The following ADGRL2 variants were observed in gnomAD, a reference collection of about 807,000 sequenced individuals.
ADGRL2 encodes the protein calcium-independent alpha-latrotoxin receptor 2.
A neutral mutation model predicts 157.4 loss-of-function variants in ADGRL2; 44 were observed. The ratio of observed to expected loss-of-function variants is 0.28; its 90% CI spans 0.22 to 0.36. The LOEUF (loss-of-function observed/expected upper bound fraction) is 0.36. Among genes scored for constraint, ADGRL2 ranks in the 10% least tolerant of loss-of-function variants. The pLI is 1.00. For missense variants in ADGRL2, 1,510 were observed against 1,768.9 expected, an observed-to-expected ratio of 0.85 and a Z score of 2.63; for synonymous variants, 585 against 624.7, an observed-to-expected ratio of 0.94 and a Z score of 0.95.
intron 1 of ADGRL2, among the ~76,000 whole-genome samples, chr1:81,373,698 T>G (rs2076198793): frequency 6.6e-6 from 1 of 152,110 alleles, no homozygotes; most frequent in Non-Finnish European, 1.5e-5. Flanking sequence ...TATACAGAAG[T>G]CAGCCTGAAA....
In ADGRL2 at chr1:81,380,213, A is replaced by AT. The variant is rs148856797; in HGVS notation, c.-301-64822dup. Among the ~76,000 whole-genome samples, 58 of 152,168 alleles carry AT rather than the reference A, an allele frequency of 3.8e-4. No homozygotes were observed. The East Asian group carries it at 9.8e-3, about 26-fold the overall frequency. ...GCTAATGAAGTGGACGTTTTCCCAT[A>AT]TGTTTGTTTACTAGTTGTATTTCCT... On this transcript the variant is annotated intron_variant, in intron 1 of 24. Transcript: ENST00000370721.
intron 2 of ADGRL2, among the ~76,000 whole-genome samples, chr1:81,792,815 T>A (rs931513950): frequency 3.9e-5 from 6 of 152,252 alleles, no homozygotes; most frequent in Non-Finnish European, 8.8e-5. Flanking sequence ...GAAGTATAAT[T>A]CACCAAAGGA....
At chr1:81,392,780 G>A (rs937913130) in intron 1 of ADGRL2, among the ~76,000 whole-genome samples, 1 of 151,872 alleles carries the variant, frequency 6.6e-6, no homozygotes, top group African/African-American at 2.4e-5. Flanking sequence ...TGCAGGGTGG[G>A]TAAAACTATA....
At chr1:81,427,347 A>C (rs1182561719) in intron 1 of ADGRL2, 1 of 729,950 alleles carries the variant, frequency 1.4e-6, no homozygotes, top group Non-Finnish European at 2.5e-6. Flanking sequence ...AGAGGGGGCT[A>C]TGGTGGTGGC....
chr1:81,811,857 A>T (rs776483929), intron 1 of ADGRL2, among the ~76,000 whole-genome samples: 5 of 151,684 alleles, frequency 3.3e-5, no homozygotes, highest in Non-Finnish European at 7.4e-5. Context: ...TGAATCAGAT[A>T]AATGAGCCGG....
chr1:81,709,395 T>G (rs1032546606), intron 1 of ADGRL2, among the ~76,000 whole-genome samples: 3 of 152,148 alleles, frequency 2.0e-5, no homozygotes, highest in African/African-American at 7.2e-5. Context: ...ATCTCCTCTA[T>G]TCAGTGAGAC....
At chr1:81,907,616 A>T (rs79169652) in intron 3 of ADGRL2, among the ~76,000 whole-genome samples, 10,842 of 151,452 alleles carry the variant, frequency 0.072, 390 homozygotes, top group South Asian at 0.092. Context: ...TTTTTTTTTT[A>T]AATTAATAAA....
intron 3 of ADGRL2, among the ~76,000 whole-genome samples, chr1:81,686,372 A>G (rs2083229017): frequency 6.6e-6 from 1 of 151,888 alleles, no homozygotes; most frequent in Admixed American, 6.6e-5. Flanking sequence ...GGAGGGTTGT[A>G]TTTTTCCAGG....
intron 11 of ADGRL2, among the ~76,000 whole-genome samples, chr1:81,957,999 A>G (rs1557998316): frequency 7.0e-6 from 1 of 143,582 alleles, no homozygotes; most frequent in Non-Finnish European, 1.5e-5. Context: ...CGTCTCTACT[A>G]AAAAATACAA....
chr1:81,563,897 T>C (rs2080500824), intron 2 of ADGRL2, among the ~76,000 whole-genome samples: 2 of 152,220 alleles, frequency 1.3e-5, no homozygotes, highest in African/African-American at 2.4e-5. Context: ...AGGTACTAAA[T>C]GTTTTGTTTT....
At chr1:81,712,113 A>G (rs2149082469) in intron 1 of ADGRL2, among the ~76,000 whole-genome samples, 1 of 152,230 alleles carries the variant, frequency 6.6e-6, no homozygotes, top group South Asian at 2.1e-4. Context: ...GTGTAAAGAC[A>G]TCTCAACCAT....
intron 1 of ADGRL2, among the ~76,000 whole-genome samples, chr1:81,346,529 T>C (rs1167165410): frequency 6.6e-6 from 1 of 152,144 alleles, no homozygotes; most frequent in Non-Finnish European, 1.5e-5. Flanking sequence ...GAGACTTTAG[T>C]GAGTAATTAA....
At chr1:81,408,760 G>A (rs1305457002) in intron 1 of ADGRL2, among the ~76,000 whole-genome samples, 1 of 152,132 alleles carries the variant, frequency 6.6e-6, no homozygotes, top group Admixed American at 6.5e-5. Context: ...CTAAATATGA[G>A]ATCATTTTTG....
At chr1:81,477,452 C>T (rs767086151) in intron 2 of ADGRL2, among the ~76,000 whole-genome samples, 28 of 152,198 alleles carry the variant, frequency 1.8e-4, no homozygotes, top group Non-Finnish European at 3.5e-4. Flanking sequence ...AGATTTCTGT[C>T]ATTTTATCAA....
At chr1:81,718,058 T>C (rs2084173927) in intron 1 of ADGRL2, among the ~76,000 whole-genome samples, 1 of 152,208 alleles carries the variant, frequency 6.6e-6, no homozygotes, top group African/African-American at 2.4e-5. Context: ...TCTCACTCTG[T>C]GGCAAGGCTC....
At position 81,684,074 on chromosome 1, in the gene ADGRL2, C is replaced by T. The variant is rs574421579; in HGVS notation, c.-142-77737C>T. Among the ~76,000 whole-genome samples the T allele has an allele frequency of 4.6e-5, 7 of 152,202 alleles. No individual in the cohort carries two copies. In the South Asian group the frequency reaches 8.3e-4, roughly 18 times the overall value. ...TCGTGATCCGCCTGCCTCAGCCTCC[C>T]GAAGTGCTGGGATTACAGGCGTGAG... On this transcript the variant is annotated intron_variant, in intron 3 of 24. Transcript: ENST00000370721.
At chr1:81,470,755 G>A (rs1052635658) in intron 2 of ADGRL2, among the ~76,000 whole-genome samples, 10 of 152,154 alleles carry the variant, frequency 6.6e-5, no homozygotes, top group African/African-American at 2.2e-4. Context: ...TCAAATTAAC[G>A]TGCAGCAGGA....
intron 3 of ADGRL2, among the ~76,000 whole-genome samples, chr1:81,623,635 CTTTTT>C (rs752595573): frequency 8.4e-6 from 1 of 118,960 alleles, no homozygotes. Flanking sequence ...TGATATCTTC[CTTTTT>C]TTTTTTTTTT....
chr1:81,456,972 G>T (rs1356690599), intron 2 of ADGRL2, among the ~76,000 whole-genome samples: 4 of 151,034 alleles, frequency 2.6e-5, no homozygotes, highest in Non-Finnish European at 5.9e-5. Context: ...TTGTCATGTT[G>T]TTACCTGAAC....
Sources: allele counts gnomAD v4.1 joint callset (sites outside exome capture counted in the v4.1 genomes callset), GRCh38; gene constraint gnomAD v4.1.1; transcripts MANE v1.5; gene names NCBI Gene and HGNC (gene_info 2026-07-23, HGNC 2026-07-21).